The following FARP1 variants were observed in gnomAD, a reference collection of about 807,000 sequenced individuals.
FARP1 encodes the protein FERM, ARHGEF and pleckstrin domain-containing protein 1.
In FARP1, 52 loss-of-function variants were observed where a neutral mutation model predicts 128.8. That is an observed-to-expected ratio of 0.40 (90% CI 0.32 to 0.51). The LOEUF (loss-of-function observed/expected upper bound fraction) is 0.51, where lower values mean the gene tolerates loss of function less well. Among genes scored for constraint, FARP1 ranks in the 20% least tolerant of loss-of-function variants. FARP1 has a pLI of 0.45. For missense variants in FARP1, 1,333 were observed against 1,367.9 expected, an observed-to-expected ratio of 0.97 and a Z score of 0.40; for synonymous variants, 580 against 551.8, an observed-to-expected ratio of 1.05 and a Z score of -0.72.
At chr13:98,397,165 G>A (rs1484689884) in intron 13 of FARP1, 2 of 152,190 alleles carry the variant, frequency 1.3e-5, no homozygotes, top group Admixed American at 6.5e-5. Context: ...GGGATTGCTG[G>A]TTTGGTTTAG....
rs1420207559 is a variant in FARP1, at chr13:98,446,159, G to C, written c.2858G>C (p.Trp953Ser). The part of the protein sequence containing the change: ...FKNSNGWQKL[W>S]VVFTNFCLFF... Reference sequence around the variant, plus strand: ...AACAGCAACGGGTGGCAGAAGCTGTGGGTGGTGTTCACAAACTTCTGCCTG... The same window carrying C: ...AACAGCAACGGGTGGCAGAAGCTGTCGGTGGTGTTCACAAACTTCTGCCTG... Residue 953 changes from tryptophan to serine, a missense_variant, in exon 25 of 27, where the codon TGG (tryptophan) becomes TCG (serine). Physicochemically the swap from Trp to Ser is radical, Grantham distance 177. Around this residue, in one of 2 missense-constraint regions of FARP1, gnomAD observed 1,009 missense variants for 969.8 expected, o/e 1.04. Coordinates refer to ENST00000319562, the MANE Select transcript of FARP1 (RefSeq NM_005766.4). 1 of 1,614,028 alleles carries C rather than the reference G, an allele frequency of 6.2e-7. No homozygotes were observed. The highest frequency in any genetic ancestry group is 1.1e-5 in the South Asian group (1 of 91,064).
chr13:98,305,840 C>T (rs79996690), intron 2 of FARP1, among the ~76,000 whole-genome samples: 5,764 of 149,844 alleles, frequency 0.038, 160 homozygotes, highest in Middle Eastern at 0.075. Flanking sequence ...TCAAATTTTA[C>T]TTCTTGTATT....
At chr13:98,218,519 A>G (rs1307650220) in intron 2 of FARP1, among the ~76,000 whole-genome samples, 1 of 152,212 alleles carries the variant, frequency 6.6e-6, no homozygotes, top group Admixed American at 6.5e-5. Flanking sequence ...AATTCTCCAG[A>G]CAGATGGTAA....
At chr13:98,318,214 C>T (rs1886823977) in intron 2 of FARP1, among the ~76,000 whole-genome samples, 1 of 147,214 alleles carries the variant, frequency 6.8e-6, no homozygotes, top group Admixed American at 6.7e-5. Context: ...CACCACCACA[C>T]CTGGCTAATT....
intron 2 of FARP1, among the ~76,000 whole-genome samples, chr13:98,333,443 A>ACACT (rs1460706075): frequency 1.1e-5 from 1 of 94,794 alleles, no homozygotes; most frequent in Admixed American, 1.1e-4. Context: ...ATGTACACAC[A>ACACT]CACACACACA....
chr13:98,289,830 C>G (rs147332180), intron 2 of FARP1, among the ~76,000 whole-genome samples: 1 of 152,270 alleles, frequency 6.6e-6, no homozygotes, highest in African/African-American at 2.4e-5. Context: ...ACATTGATTA[C>G]TACAGGGACC....
chr13:98,412,707 A>G (rs1566301971), intron 16 of FARP1, among the ~76,000 whole-genome samples: 1 of 152,222 alleles, frequency 6.6e-6, no homozygotes, highest in African/African-American at 2.4e-5. Flanking sequence ...GGTACAAAAA[A>G]CCAGGAAAAG....
chr13:98,248,765 G>A (rs114960993), intron 2 of FARP1, among the ~76,000 whole-genome samples: 4,048 of 151,898 alleles, frequency 0.027, 159 homozygotes, highest in African/African-American at 0.092. Context: ...CTGGAAACAG[G>A]TGCCTTTTTG....
At chr13:98,144,842 C>T (rs1340847970) in intron 1 of FARP1, among the ~76,000 whole-genome samples, 2 of 152,158 alleles carry the variant, frequency 1.3e-5, no homozygotes, top group Non-Finnish European at 2.9e-5. Context: ...TTGGCTTTCT[C>T]CCTCCTTCCA....
Position 98,440,733 on chromosome 13 carries a change from C to G in FARP1, c.2693C>G (p.Thr898Arg). The change falls in exon 24 of 27, where the codon ACA (threonine) becomes AGA (arginine). Residue 898 changes from threonine (T) to arginine (R), a missense_variant. By Grantham distance (71) the Thr-to-Arg change is moderately conservative (BLOSUM62 -1). Transcript: ENST00000319562. ...ESEDDLSASR[T>R]SLERQAPHRG... ...GAGGATGACCTGAGCGCCTCGCGCA[C>G]ATCGCTGGAGCGCCAGGCCCCGCAC... 3 of 1,613,536 alleles carry G rather than the reference C, an allele frequency of 1.9e-6. No individual in the cohort carries two copies. Among genetic ancestry groups the G allele is most frequent in the Non-Finnish European group, 2.5e-6 (3 of 1,180,010 alleles).
intron 5 of FARP1, among the ~76,000 whole-genome samples, chr13:98,371,219 T>G (rs1889312403): frequency 7.0e-5 from 1 of 14,322 alleles, no homozygotes; most frequent in African/African-American, 2.3e-4. Context: ...CCGCCCCCCG[T>G]TTTTTTTTTT....
chr13:98,365,695 C>G (rs1257929207), intron 4 of FARP1, among the ~76,000 whole-genome samples: 3 of 152,222 alleles, frequency 2.0e-5, no homozygotes, highest in Non-Finnish European at 4.4e-5. Flanking sequence ...CTGCTATTAT[C>G]TTAAACCCCA....
In FARP1 at chr13:98,454,188, C is replaced by T. The variant is rs1893341097; in HGVS notation, c.*5871C>T. The T allele has an allele frequency of 1.3e-5, 2 of 152,182 alleles. No homozygotes were observed. The highest frequency in any genetic ancestry group is 4.1e-4 in the South Asian group (2 of 4,824). 9.4% of individuals were successfully genotyped at this position (152,182 alleles called of 1,614,324 possible). ...GTAAGTTTATGACCTGGTATGACAA[C>T]AGAAGGCAATGCACCCAAAGATGCT... On this transcript the variant is annotated 3_prime_UTR_variant, in exon 27 of 27. Transcript: ENST00000319562.
chr13:98,349,594 CCAGGAGGCG>C (rs1315170515), intron 3 of FARP1, among the ~76,000 whole-genome samples: 1 of 148,106 alleles, frequency 6.8e-6, no homozygotes, highest in Non-Finnish European at 1.5e-5. Flanking sequence ...TCACTTGAAC[CCAGGAGGCG>C]GAGGATGCAG....
chr13:98,229,433 A>C (rs1276458347), intron 2 of FARP1, among the ~76,000 whole-genome samples: 4 of 152,172 alleles, frequency 2.6e-5, no homozygotes, highest in African/African-American at 9.7e-5. Context: ...TCTGAGTAAC[A>C]ATGTAAAATA....
chr13:98,402,225 G>C (rs1034379397), intron 13 of FARP1: 7 of 152,270 alleles, frequency 4.6e-5, no homozygotes, highest in Non-Finnish European at 1.5e-5. Context: ...TGAGGAGTGA[G>C]GAGTAGTTAG....
At chr13:98,147,146 C>T (rs927190007) in intron 1 of FARP1, among the ~76,000 whole-genome samples, 3 of 152,174 alleles carry the variant, frequency 2.0e-5, no homozygotes, top group African/African-American at 7.2e-5. Context: ...GATGCCCTTG[C>T]CCTGGTTTGA....
chr13:98,310,080 G>GAT (rs1555336214), intron 2 of FARP1, among the ~76,000 whole-genome samples: 4 of 146,364 alleles, frequency 2.7e-5, no homozygotes, highest in African/African-American at 1.0e-4. Flanking sequence ...TAGATTACAT[G>GAT]TTTTTTTTTT....
intron 2 of FARP1, chr13:98,333,954 TTCTCCTCCTCCA>T (rs1323311802): frequency 1.4e-5 from 2 of 147,778 alleles, no homozygotes; most frequent in Non-Finnish European, 3.1e-5. Context: ...CTCCTCCACC[TTCTCCTCCTCCA>T]CATCATCATC....
Sources: gnomAD v4.1 joint callset for allele counts (sites outside exome capture counted in the v4.1 genomes callset) on GRCh38, gnomAD v4.1.1 for gene constraint, gnomAD v4.1.1 regional missense constraint, MANE v1.5 for transcripts, NCBI Gene and HGNC (gene_info 2026-07-23, HGNC 2026-07-21) for gene names.